The following BRINP3 variants were observed in gnomAD, a reference collection of about 807,000 sequenced individuals.
BRINP3 encodes BMP/retinoic acid-inducible neural-specific protein 3.
A neutral mutation model predicts 71.0 loss-of-function variants in BRINP3; 19 were observed. The observed-to-expected ratio is 0.27, with a 90% CI of 0.19 to 0.39. The LOEUF is 0.39. BRINP3 is among the 10% of genes least tolerant of loss of function. BRINP3 has a pLI of 1.00. For missense variants in BRINP3, 959 were observed against 940.8 expected (o/e 1.02, Z -0.25); for synonymous variants, 380 against 337.7 (o/e 1.13, Z -1.37).
chr1:190,217,749 A>G (rs1460788463), intron 6 of BRINP3, among the ~76,000 whole-genome samples: 1 of 152,010 alleles, frequency 6.6e-6, no homozygotes, highest in African/African-American at 2.4e-5. Context: ...TATTCTGTAG[A>G]TCACTGTTTT....
At chr1:190,347,393 G>C (rs1668093319) in intron 2 of BRINP3, among the ~76,000 whole-genome samples, 1 of 152,174 alleles carries the variant, frequency 6.6e-6, no homozygotes, top group South Asian at 2.1e-4. Flanking sequence ...GCCCACCTTG[G>C]CCTCCCAAAG....
At chr1:190,337,205 C>A (rs952825828) in intron 2 of BRINP3, among the ~76,000 whole-genome samples, 8 of 152,070 alleles carry the variant, frequency 5.3e-5, no homozygotes, top group Middle Eastern at 3.4e-3. Flanking sequence ...CTCCTACTCC[C>A]AGAAAAAAAA....
intron 7 of BRINP3, among the ~76,000 whole-genome samples, chr1:190,126,614 T>A (rs1159395517): frequency 6.6e-6 from 1 of 151,892 alleles, no homozygotes; most frequent in Non-Finnish European, 1.5e-5. Context: ...TATTTATTTC[T>A]TTTCCTCAGA....
intron 2 of BRINP3, among the ~76,000 whole-genome samples, chr1:190,315,786 A>T (rs1665838715): frequency 6.6e-6 from 1 of 152,112 alleles, no homozygotes; most frequent in Non-Finnish European, 1.5e-5. Context: ...TCCATATTTT[A>T]AAAGAAAATT....
At chr1:190,388,331 C>G (rs940723583) in intron 2 of BRINP3, among the ~76,000 whole-genome samples, 2 of 151,768 alleles carry the variant, frequency 1.3e-5, no homozygotes, top group Non-Finnish European at 2.9e-5. Flanking sequence ...CTACAAGGTA[C>G]TGGGTTGAAT....
intron 6 of BRINP3, among the ~76,000 whole-genome samples, chr1:190,193,675 A>G (rs894556803): frequency 1.3e-5 from 2 of 152,024 alleles, no homozygotes; most frequent in African/African-American, 4.8e-5. Flanking sequence ...AATGATTATA[A>G]ACTCCTGACC....
At chr1:190,140,440 T>C (rs528292943) in intron 7 of BRINP3, among the ~76,000 whole-genome samples, 40 of 152,248 alleles carry the variant, frequency 2.6e-4, no homozygotes, top group African/African-American at 8.9e-4. Context: ...CTGATATATC[T>C]GTTTACTTAA....
chr1:190,258,325 C>A (rs1660860998), intron 4 of BRINP3, among the ~76,000 whole-genome samples: 1 of 152,148 alleles, frequency 6.6e-6, no homozygotes, highest in Non-Finnish European at 1.5e-5. Context: ...GTGTCATTTG[C>A]TAAGACCATA....
intron 5 of BRINP3, among the ~76,000 whole-genome samples, chr1:190,231,428 A>G (rs1657977991): frequency 6.6e-6 from 1 of 151,832 alleles, no homozygotes; most frequent in African/African-American, 2.4e-5. Context: ...AAATATTGGG[A>G]ACTAGCTAAT....
intron 7 of BRINP3, among the ~76,000 whole-genome samples, chr1:190,146,323 TA>T (rs1332109831): frequency 6.6e-6 from 1 of 152,212 alleles, no homozygotes; most frequent in Non-Finnish European, 1.5e-5. Context: ...AATATAACCT[TA>T]AAAGGAGTGT....
At chr1:190,113,807 A>T (rs1230362701) in intron 7 of BRINP3, among the ~76,000 whole-genome samples, 1 of 152,110 alleles carries the variant, frequency 6.6e-6, no homozygotes, top group Non-Finnish European at 1.5e-5. Context: ...TGTCCAATCC[A>T]TGGTTTGGGG....
intron 2 of BRINP3, among the ~76,000 whole-genome samples, chr1:190,353,615 C>A (rs1372051069): frequency 6.6e-6 from 1 of 152,004 alleles, no homozygotes; most frequent in African/African-American, 2.4e-5. Flanking sequence ...AATGCTTGTA[C>A]TTATACATGT....
intron 2 of BRINP3, among the ~76,000 whole-genome samples, chr1:190,448,921 C>A (rs886215905): frequency 6.6e-6 from 1 of 151,540 alleles, no homozygotes; most frequent in Non-Finnish European, 1.5e-5. Context: ...TTAAGGTTGG[C>A]AATAATATTT....
intron 2 of BRINP3, among the ~76,000 whole-genome samples, chr1:190,422,769 T>C (rs1330554438): frequency 6.6e-6 from 1 of 151,842 alleles, no homozygotes; most frequent in Non-Finnish European, 1.5e-5. Flanking sequence ...ACTAGAGTAT[T>C]TGAATATTTT....
chr1:190,342,809 G>GA (rs1015911315), intron 2 of BRINP3: 16 of 151,294 alleles, frequency 1.1e-4, no homozygotes, highest in Non-Finnish European at 2.1e-4. Context: ...ACATTTTTAG[G>GA]AAAAAAATGA....
At chr1:190,216,067 A>G (rs1029213923) in intron 6 of BRINP3, among the ~76,000 whole-genome samples, 1 of 151,368 alleles carries the variant, frequency 6.6e-6, no homozygotes, top group Non-Finnish European at 1.5e-5. Flanking sequence ...GGAAAAGATA[A>G]TTTATTTTTA....
intron 3 of BRINP3, among the ~76,000 whole-genome samples, chr1:190,269,805 G>A (rs2102892437): frequency 6.6e-6 from 1 of 152,020 alleles, no homozygotes; most frequent in East Asian, 1.9e-4. Flanking sequence ...TATTGTTGGT[G>A]GGATTGCAAA....
intron 2 of BRINP3, among the ~76,000 whole-genome samples, chr1:190,409,385 AAC>A (rs1364647410): frequency 6.6e-6 from 1 of 152,184 alleles, no homozygotes; most frequent in Non-Finnish European, 1.5e-5. Flanking sequence ...AGTTTAGAAA[AAC>A]ACACAAAAAA....
chr1:190,466,994 A>T (rs529725757), intron 1 of BRINP3, among the ~76,000 whole-genome samples: 3 of 151,728 alleles, frequency 2.0e-5, no homozygotes, highest in African/African-American at 7.2e-5. Flanking sequence ...AAATGCCACT[A>T]AATCATCACT....
Sources: allele counts gnomAD v4.1 joint callset (sites outside exome capture counted in the v4.1 genomes callset), GRCh38; gene constraint gnomAD v4.1.1; transcripts MANE v1.5; gene names NCBI Gene and HGNC (gene_info 2026-07-23, HGNC 2026-07-21).